The following PAK5 variants were observed in gnomAD, a reference collection of about 807,000 sequenced individuals.
PAK5 encodes p21 (RAC1) activated kinase 5.
Under a neutral mutation model 65.9 loss-of-function variants are expected in PAK5, and 16 were observed. That is an observed-to-expected ratio of 0.24 (90% CI 0.16 to 0.37). The LOEUF (loss-of-function observed/expected upper bound fraction) is 0.37. Ranked by LOEUF, PAK5 falls within the 10% of genes least tolerant of loss-of-function variation. PAK5 has a pLI of 1.00. For synonymous variants in PAK5, 371 were observed against 354.9 expected (o/e 1.05, Z -0.51); for missense variants, 785 against 903.9 (o/e 0.87, Z 1.69).
At chr20:9,729,314 A>G (rs1238813654) in intron 1 of PAK5, among the ~76,000 whole-genome samples, 1 of 152,168 alleles carries the variant, frequency 6.6e-6, no homozygotes, top group East Asian at 1.9e-4. Context: ...GATTTCACAT[A>G]AAACTTCTGT....
At chr20:9,786,589 C>T (rs983432393) in intron 1 of PAK5, among the ~76,000 whole-genome samples, 1 of 152,004 alleles carries the variant, frequency 6.6e-6, no homozygotes, top group Admixed American at 6.6e-5. Context: ...ATAAAGTGAA[C>T]ACATCATTTA....
chr20:9,558,043 T>TATTTATTTATTTATTTATTC (rs55861453), intron 6 of PAK5, among the ~76,000 whole-genome samples: 17 of 138,868 alleles, frequency 1.2e-4, no homozygotes, highest in African/African-American at 3.8e-4. Flanking sequence ...TTTATTTATT[T>TATTTATTTATTTATTTATTC]ATTCATTCAT....
At chr20:9,544,632 G>A in intron 7 of PAK5, 138 bp from the exon 8 acceptor site, 1 of 735,744 alleles carries the variant, frequency 1.4e-6, no homozygotes, top group East Asian at 2.7e-5. Context: ...AGGAGGGACT[G>A]TCAGACCCTT....
At chr20:9,558,151 C>T (rs1042265299) in intron 6 of PAK5, among the ~76,000 whole-genome samples, 2 of 151,864 alleles carry the variant, frequency 1.3e-5, no homozygotes. Flanking sequence ...TGCTCTGTCA[C>T]TTAGGCTAGA....
intron 2 of PAK5, among the ~76,000 whole-genome samples, chr20:9,657,191 C>T (rs1351866824): frequency 2.0e-5 from 3 of 152,160 alleles, no homozygotes; most frequent in Non-Finnish European, 4.4e-5. Flanking sequence ...AATCTGTTTT[C>T]TATCTCCACA....
chr20:9,609,441 A>C lies in PAK5; in HGVS notation c.205-28511T>G, dbSNP rs986475241. On this transcript the variant is annotated intron_variant, in intron 3 of 9. Transcript: ENST00000353224. ...AGGTCGAGGGCAAAACATAAGTGTG[A>C]AAACACTGACAATTTCCAGGCAAAG... Among the ~76,000 whole-genome samples, 10 of 152,226 alleles carry C rather than the reference A, an allele frequency of 6.6e-5. No individual in the cohort carries two copies. The South Asian group carries it at 1.9e-3, about 28-fold the overall frequency.
At chr20:9,831,063 T>C (rs1379399516) in intron 1 of PAK5, among the ~76,000 whole-genome samples, 1 of 152,206 alleles carries the variant, frequency 6.6e-6, no homozygotes, top group Non-Finnish European at 1.5e-5. Flanking sequence ...GGGCTGGGTG[T>C]GGGGGAAGAA....
intron 2 of PAK5, among the ~76,000 whole-genome samples, chr20:9,665,658 T>C (rs2123348238): frequency 7.1e-6 from 1 of 141,246 alleles, no homozygotes; most frequent in East Asian, 2.0e-4. Flanking sequence ...ATTTCTTTTC[T>C]TTTCTTTTTT....
At chr20:9,763,456 GT>G (rs551443838) in intron 1 of PAK5, among the ~76,000 whole-genome samples, 88 of 152,044 alleles carry the variant, frequency 5.8e-4, no homozygotes, top group South Asian at 1.5e-3. Context: ...CAAAAAAGTA[GT>G]TTTTAAAAAA....
chr20:9,617,529 G>A (rs1600149216), intron 3 of PAK5, among the ~76,000 whole-genome samples: 1 of 149,292 alleles, frequency 6.7e-6, no homozygotes, highest in Non-Finnish European at 1.5e-5. Flanking sequence ...TTGCAGGGAT[G>A]AGACCCAAGA....
chr20:9,714,565 C>T (rs6056820), intron 1 of PAK5, among the ~76,000 whole-genome samples: 102,381 of 151,968 alleles, frequency 0.67, 34,712 homozygotes, highest in East Asian at 0.85. Context: ...TTAAGTTTAC[C>T]TCTCAATATT....
intron 3 of PAK5, among the ~76,000 whole-genome samples, chr20:9,608,167 C>T (rs762813116): frequency 1.3e-5 from 2 of 152,160 alleles, no homozygotes; most frequent in Non-Finnish European, 1.5e-5. Context: ...AAAGGCCCCA[C>T]CTCCAAATAT....
chr20:9,808,725 G>C (rs189092080), intron 1 of PAK5, among the ~76,000 whole-genome samples: 1 of 152,144 alleles, frequency 6.6e-6, no homozygotes, highest in Non-Finnish European at 1.5e-5. Flanking sequence ...CTTGGAGTTT[G>C]GTGGGGTAGG....
chr20:9,579,897 A>G (rs2045947059), intron 4 of PAK5, among the ~76,000 whole-genome samples: 1 of 152,226 alleles, frequency 6.6e-6, no homozygotes, highest in Admixed American at 6.5e-5. Flanking sequence ...CAATAAGTTT[A>G]TTCGCCTTTT....
intron 2 of PAK5, among the ~76,000 whole-genome samples, chr20:9,710,131 G>T (rs951491359): frequency 2.0e-5 from 3 of 152,014 alleles, no homozygotes; most frequent in Admixed American, 6.6e-5. Flanking sequence ...AAAAACTCTT[G>T]TTTCTCATCT....
At chr20:9,644,360 A>G (rs778745912) in intron 2 of PAK5, 21 bp from the exon 3 acceptor site, 7 of 1,504,082 alleles carry the variant, frequency 4.7e-6, no homozygotes, top group Non-Finnish European at 5.5e-6. Context: ...TAAATGGAAA[A>G]GAGGCAGCCA....
chr20:9,679,320 G>A (rs780249289), intron 2 of PAK5, among the ~76,000 whole-genome samples: 12 of 152,108 alleles, frequency 7.9e-5, no homozygotes, highest in Non-Finnish European at 1.2e-4. Context: ...TAAGTTTTGG[G>A]GGAGTCAAAA....
chr20:9,701,331 G>A (rs1238448388), intron 2 of PAK5, among the ~76,000 whole-genome samples: 1 of 152,162 alleles, frequency 6.6e-6, no homozygotes, highest in East Asian at 1.9e-4. Context: ...GGACAGCTCA[G>A]TACATGTTGA....
intron 3 of PAK5, among the ~76,000 whole-genome samples, chr20:9,623,498 TA>T (rs1258557551): frequency 6.6e-6 from 1 of 152,218 alleles, no homozygotes; most frequent in East Asian, 1.9e-4. Context: ...AATATAAATG[TA>T]CCAAATTATT....
Sources: gnomAD v4.1 joint callset for allele counts (sites outside exome capture counted in the v4.1 genomes callset) on GRCh38, gnomAD v4.1.1 for gene constraint, MANE v1.5 for transcripts, NCBI Gene and HGNC (gene_info 2026-07-23, HGNC 2026-07-21) for gene names.